CPAMD8: variants seen among roughly 807,000 people sequenced by gnomAD.
CPAMD8 encodes C3 and PZP like alpha-2-macroglobulin domain containing 8.
A neutral mutation model predicts 224.7 loss-of-function variants in CPAMD8; 146 were observed. The ratio of observed to expected loss-of-function variants is 0.65; its 90% CI spans 0.57 to 0.75. The LOEUF (loss-of-function observed/expected upper bound fraction) is 0.75, where lower values mean the gene tolerates loss of function less well. Among genes scored for constraint, CPAMD8 ranks in the 30% least tolerant of loss-of-function variants. CPAMD8 has a pLI of 0.00. For synonymous variants in CPAMD8, 966 were observed against 1,044.6 expected (o/e 0.92, Z 1.45); for missense variants, 2,301 against 2,537.5 (o/e 0.91, Z 2.00).
chr19:16,939,226 C>T (rs2053803728), intron 22 of CPAMD8, among the ~76,000 whole-genome samples: 1 of 151,590 alleles, frequency 6.6e-6, no homozygotes, highest in African/African-American at 2.4e-5. Context: ...TATCTATGGA[C>T]AGAGTCTCAC....
At position 17,004,533 on chromosome 19, in the gene CPAMD8, T is replaced by C. The variant is rs903104973; in HGVS notation, c.560-147A>G. ...ACCACAGAGAAGCTGGCGGGGTCTGTGCAGAGCAGCACCCTGTAGGATCAG... is the reference window on the plus strand; with the variant it reads ...ACCACAGAGAAGCTGGCGGGGTCTGCGCAGAGCAGCACCCTGTAGGATCAG... On this transcript the variant is annotated intron_variant, in intron 7 of 41. Transcript: ENST00000443236. 5 of 598,890 alleles carry C rather than the reference T, an allele frequency of 8.3e-6. No individual in the cohort carries two copies. In the South Asian group the frequency reaches 9.8e-5, roughly 12 times the overall value. 37.1% of individuals were successfully genotyped at this position (598,890 alleles called of 1,614,324 possible).
intron 6 of CPAMD8, 126 bp from the exon 7 acceptor site, chr19:17,008,685 T>A: frequency 9.2e-7 from 1 of 1,081,108 alleles, no homozygotes; most frequent in Non-Finnish European, 1.4e-6. Context: ...GTCCCAAGAT[T>A]AATCATTAAC....
chr19:16,901,313 G>T lies in CPAMD8; in HGVS notation c.4686-16C>A, dbSNP rs757164179. 1.3e-6 allele frequency: 2 copies of T among 1,524,190 alleles called. No individual in the cohort carries two copies. The highest frequency in any genetic ancestry group is 1.8e-6 in the Non-Finnish European group (2 of 1,102,998). The allele number at this position is 1,524,190 out of a possible 1,614,324, so 94.4% of individuals were successfully genotyped here. ...ATGCAGCCACCTTCCAACAACAGGG[G>T]AGAGAGAGAGGCCCTAGAGCTCAAG... On this transcript the variant is annotated splice_polypyrimidine_tract_variant and intron_variant, in intron 35 of 41. Transcript: ENST00000443236.
intron 2 of CPAMD8, among the ~76,000 whole-genome samples, chr19:17,021,568 C>T (rs1413625119): frequency 6.6e-6 from 1 of 152,218 alleles, no homozygotes; most frequent in African/African-American, 2.4e-5. Context: ...GAGGCTGTTG[C>T]TGTCTGCATT....
rs150415974 is a variant in CPAMD8, at chr19:16,975,274, G to C, written c.1909-16C>G. The C allele has an allele frequency of 6.3e-7, 1 of 1,591,654 alleles. No homozygotes were observed. The highest frequency in any genetic ancestry group is 1.3e-5 in the African/African-American group (1 of 74,508). Reference sequence around the variant, plus strand: ...CCTGGAAAACCTGCAGGCAAAGGGGGACAGAGACTTGTCAGCTGAAGTTTT... The same window carrying C: ...CCTGGAAAACCTGCAGGCAAAGGGGCACAGAGACTTGTCAGCTGAAGTTTT... On this transcript the variant is annotated splice_polypyrimidine_tract_variant and intron_variant, in intron 16 of 41. Transcript: ENST00000443236.
At position 16,906,795 on chromosome 19, in the gene CPAMD8, C is replaced by A. The variant is rs189124200; in HGVS notation, c.4027+157G>T. 1.8e-3 allele frequency among the ~76,000 whole-genome samples: 276 copies of A among 151,878 alleles called. 1 individual carries two copies. Among genetic ancestry groups the A allele is most frequent in the Admixed American group, 1.1e-3 (17 of 15,252 alleles). On this transcript the variant is annotated intron_variant, in intron 30 of 41. Coordinates refer to ENST00000443236, the MANE Select transcript of CPAMD8 (RefSeq NM_015692.5). ...CGCGATCTCTGCTCACTGCAATCTC[C>A]GCCTCCCGGGTTCAAGCGATTCTCC...
intron 26 of CPAMD8, 35 bp from the exon 27 acceptor site, chr19:16,922,021 A>G (rs989985141): frequency 1.3e-6 from 2 of 1,489,190 alleles, no homozygotes; most frequent in African/African-American, 1.4e-5. Context: ...TGTCCTGTTG[A>G]GTGGCCTGGC....
intron 22 of CPAMD8, among the ~76,000 whole-genome samples, chr19:16,941,210 G>A (rs1303732663): frequency 1.3e-5 from 2 of 152,188 alleles, no homozygotes; most frequent in Non-Finnish European, 2.9e-5. Flanking sequence ...TGGGATTACA[G>A]GCATGAGCCA....
intron 21 of CPAMD8, among the ~76,000 whole-genome samples, chr19:16,946,856 C>T (rs1190110085): frequency 6.6e-6 from 1 of 152,060 alleles, no homozygotes; most frequent in Non-Finnish European, 1.5e-5. Context: ...CCTTAAGAGC[C>T]CAGCTCCCCC....
chr19:16,942,152 C>T (rs988103047), intron 22 of CPAMD8, among the ~76,000 whole-genome samples: 3 of 151,984 alleles, frequency 2.0e-5, no homozygotes, highest in African/African-American at 7.2e-5. Flanking sequence ...CCAATTAAAC[C>T]TCTTTTCTTT....
Position 16,947,113 on chromosome 19 carries a change from C to T in CPAMD8, c.2623G>A (p.Val875Ile), listed in dbSNP as rs199613595. ...AGTCCCAGGTCGCTGAAGGACAGAACGACCCAGATGGGCTCAGCCTCCCCG... is the reference window on the plus strand; with the variant it reads ...AGTCCCAGGTCGCTGAAGGACAGAATGACCCAGATGGGCTCAGCCTCCCCG... Reference protein sequence around the residue: ...APGEAEPIWVVLSFSDLGLNN... With the variant: ...APGEAEPIWVILSFSDLGLNN... The change falls in exon 21 of 42, where the codon GTT (valine) becomes ATT (isoleucine). Residue 875 changes from valine (V) to isoleucine (I), a missense_variant. Physicochemically the swap from Val to Ile is conservative, Grantham distance 29 (BLOSUM62 3). This residue lies in a region of CPAMD8 where 1,709 missense variants were observed against 1,753.2 expected (regional missense o/e 0.97). Coordinates refer to ENST00000443236, the MANE Select transcript of CPAMD8 (RefSeq NM_015692.5). The T allele has an allele frequency of 3.5e-5, 57 of 1,613,198 alleles. No individual in the cohort carries two copies. The Middle Eastern group carries it at 6.6e-4, about 19-fold the overall frequency.
In CPAMD8 at chr19:16,954,332, CAAAAAAAAA is replaced by C. The variant is rs371839176; in HGVS notation, c.2277-2141_2277-2133del. Among the ~76,000 whole-genome samples, 10 of 93,010 alleles carry C rather than the reference CAAAAAAAAA, an allele frequency of 1.1e-4. No homozygotes were observed. In the East Asian group the frequency reaches 1.2e-3, roughly 11 times the overall value. The allele number at this position is 93,010 out of a possible 152,430, so 61.0% of individuals were successfully genotyped here. On this transcript the variant is annotated intron_variant, in intron 19 of 41. Coordinates refer to ENST00000443236, the MANE Select transcript of CPAMD8 (RefSeq NM_015692.5). ...TGGGTGACAGAGCGAGACTCTATCT[CAAAAAAAAA>C]AAAAAAGAAAAGAAAGAAAAAGAGA...
chr19:16,913,030 G>A (rs3898962), intron 29 of CPAMD8, among the ~76,000 whole-genome samples: 2 of 152,242 alleles, frequency 1.3e-5, no homozygotes, highest in African/African-American at 2.4e-5. Context: ...AATATTTGCA[G>A]ACATGCAACG....
chr19:16,920,922 C>T (rs2053150346), intron 27 of CPAMD8, among the ~76,000 whole-genome samples: 2 of 151,476 alleles, frequency 1.3e-5, no homozygotes, highest in Admixed American at 1.3e-4. Flanking sequence ...TGGTGGAGGC[C>T]TCCTAGGGGC....
At chr19:16,897,861 G>T (rs1394261268) in intron 38 of CPAMD8, 28 bp downstream of exon 38, 2 of 1,588,840 alleles carry the variant, frequency 1.3e-6, no homozygotes, top group Non-Finnish European at 1.7e-6. Flanking sequence ...GACCGGGCCG[G>T]GCCGGGGGTG....
chr19:16,975,963 C>A (rs10405002), intron 16 of CPAMD8, 39 bp downstream of exon 16: 24 of 1,483,580 alleles, frequency 1.6e-5, no homozygotes, highest in Non-Finnish European at 2.2e-5. Context: ...GGTAAAGCCC[C>A]GTGGAGGTCT....
chr19:16,991,131 AGGTGAGCTTT>A (rs1414066733), intron 12 of CPAMD8, among the ~76,000 whole-genome samples: 7 of 152,106 alleles, frequency 4.6e-5, no homozygotes, highest in Admixed American at 4.6e-4. Context: ...ACCAAAGCTC[AGGTGAGCTTT>A]CCTGCTTAGC....
At chr19:16,922,255 C>T (rs1273230643) in intron 26 of CPAMD8, among the ~76,000 whole-genome samples, 2 of 151,952 alleles carry the variant, frequency 1.3e-5, no homozygotes, top group East Asian at 1.9e-4. Context: ...CTCCACACCA[C>T]ATCTGGGCTC....
intron 19 of CPAMD8, among the ~76,000 whole-genome samples, chr19:16,955,353 C>A (rs1452088092): frequency 6.6e-6 from 1 of 151,464 alleles, no homozygotes; most frequent in African/African-American, 2.4e-5. Flanking sequence ...CAAAGATGAA[C>A]CTTGGGGACA....
Sources: allele counts gnomAD v4.1 joint callset (sites outside exome capture counted in the v4.1 genomes callset), GRCh38; gene constraint gnomAD v4.1.1; regional missense constraint gnomAD v4.1.1; transcripts MANE v1.5; gene names NCBI Gene and HGNC (gene_info 2026-07-23, HGNC 2026-07-21).